LRP1B: variants seen among roughly 807,000 people sequenced by gnomAD.
The protein encoded by LRP1B is low-density lipoprotein receptor-related protein 1B.
A neutral mutation model predicts 556.6 loss-of-function variants in LRP1B; 217 were observed. That is an observed-to-expected ratio of 0.39 (90% CI 0.35 to 0.44). The LOEUF (loss-of-function observed/expected upper bound fraction) is 0.44. Ranked by LOEUF, LRP1B falls within the 20% of genes least tolerant of loss-of-function variation. The pLI, the probability that LRP1B is intolerant of heterozygous loss-of-function variation, is 1.00. For synonymous variants in LRP1B, 2,047 were observed against 1,865.8 expected (o/e 1.10, Z -2.50); for missense variants, 5,053 against 5,620.8 (o/e 0.90, Z 3.23).
At chr2:140,297,102 A>G (rs1029549427) in intron 84 of LRP1B, among the ~76,000 whole-genome samples, 2 of 152,112 alleles carry the variant, frequency 1.3e-5, no homozygotes, top group African/African-American at 4.8e-5. Context: ...CTTGAGATGG[A>G]GAGCATAGGA....
chr2:140,588,313 G>A (rs535572972), intron 43 of LRP1B, among the ~76,000 whole-genome samples: 2 of 152,200 alleles, frequency 1.3e-5, no homozygotes, highest in East Asian at 3.9e-4. Flanking sequence ...AAACATAAAG[G>A]GATGTAAAGT....
chr2:141,809,895 CT>C (rs1696281793), intron 2 of LRP1B, among the ~76,000 whole-genome samples: 1 of 151,424 alleles, frequency 6.6e-6, no homozygotes, highest in South Asian at 2.1e-4. Context: ...GGTCTTTTCC[CT>C]TTTAGCGCTA....
intron 1 of LRP1B, among the ~76,000 whole-genome samples, chr2:141,941,931 TA>T (rs1406834783): frequency 1.3e-5 from 2 of 152,336 alleles, no homozygotes; most frequent in African/African-American, 4.8e-5. Flanking sequence ...GCTTAATCAA[TA>T]AATGTAAATA....
chr2:141,596,290 A>G (rs1487843798), intron 2 of LRP1B, among the ~76,000 whole-genome samples: 2 of 152,052 alleles, frequency 1.3e-5, no homozygotes, highest in African/African-American at 4.8e-5. Flanking sequence ...CTCAACATCT[A>G]AAATTGAGTT....
At chr2:141,555,910 A>G (rs571213480) in intron 2 of LRP1B, among the ~76,000 whole-genome samples, 1 of 151,950 alleles carries the variant, frequency 6.6e-6, no homozygotes, top group Admixed American at 6.6e-5. Flanking sequence ...TAAGTAAGCC[A>G]GTTTTAAATC....
chr2:141,514,130 C>T (rs1011942132), intron 2 of LRP1B, among the ~76,000 whole-genome samples: 1 of 152,120 alleles, frequency 6.6e-6, no homozygotes, highest in Non-Finnish European at 1.5e-5. Context: ...ATATAACCTA[C>T]TTGACTTGCT....
intron 20 of LRP1B, among the ~76,000 whole-genome samples, chr2:140,927,148 T>A (rs1359380030): frequency 6.6e-6 from 1 of 152,080 alleles, no homozygotes; most frequent in Admixed American, 6.6e-5. Context: ...CTACTAAATA[T>A]ACAAAAATTA....
intron 1 of LRP1B, among the ~76,000 whole-genome samples, chr2:141,876,003 G>C (rs1331351931): frequency 1.3e-5 from 2 of 151,930 alleles, no homozygotes; most frequent in African/African-American, 4.8e-5. Flanking sequence ...CAATAATACA[G>C]GAAGAAGTAT....
intron 66 of LRP1B, among the ~76,000 whole-genome samples, chr2:140,439,591 C>T (rs879026223): frequency 6.6e-6 from 1 of 152,010 alleles, no homozygotes; most frequent in Non-Finnish European, 1.5e-5. Flanking sequence ...TTTACAGATT[C>T]ATAAATTTAG....
intron 3 of LRP1B, among the ~76,000 whole-genome samples, chr2:141,264,438 T>C (rs1684811952): frequency 1.3e-5 from 2 of 152,078 alleles, no homozygotes; most frequent in Non-Finnish European, 2.9e-5. Flanking sequence ...TGGACTGAGT[T>C]GGCGGTATTT....
chr2:141,147,561 C>G (rs1236784513), intron 7 of LRP1B, among the ~76,000 whole-genome samples: 1 of 152,012 alleles, frequency 6.6e-6, no homozygotes, highest in Non-Finnish European at 1.5e-5. Flanking sequence ...GTCAGGCACT[C>G]CTGCTAATTT....
At chr2:141,521,780 C>A (rs987781075) in intron 2 of LRP1B, among the ~76,000 whole-genome samples, 2 of 151,676 alleles carry the variant, frequency 1.3e-5, no homozygotes, top group Non-Finnish European at 2.9e-5. Flanking sequence ...TTAATTTTAA[C>A]CTATGCTTTC....
At chr2:140,653,285 A>T (rs1684754160) in intron 41 of LRP1B, among the ~76,000 whole-genome samples, 1 of 152,120 alleles carries the variant, frequency 6.6e-6, no homozygotes, top group Non-Finnish European at 1.5e-5. Flanking sequence ...TTCAGGAATA[A>T]CAAGTAGCAA....
At position 140,820,942 on chromosome 2, in the gene LRP1B, G is replaced by T. The variant is rs74268808; in HGVS notation, c.5210-7136C>A. On this transcript the variant is annotated intron_variant, in intron 31 of 90. Transcript: ENST00000389484. ...AAAAAAAAAAAGTATTTTTTTTCAA[G>T]ATCCTGTAGCAATTTCAAAATATTA... 2.5e-3 allele frequency among the ~76,000 whole-genome samples: 361 copies of T among 147,124 alleles called. 5 individuals are homozygous for T. The East Asian group carries it at 0.067, about 27-fold the overall frequency.
rs35055775 is a variant in LRP1B at position 140,883,559 on chromosome 2, G to GAA, written c.4169+256_4169+257dup. On this transcript the variant is annotated intron_variant, in intron 25 of 90. Transcript: ENST00000389484. ...CAATAGGGCCTAATGCCCACATTTA[G>GAA]AAAAAAAAAAAAAGACATTTTGAGC... 3.8e-3 allele frequency among the ~76,000 whole-genome samples: 496 copies of GAA among 131,878 alleles called. 1 individual carries two copies. Among genetic ancestry groups the GAA allele is most frequent in the Middle Eastern group, 0.012 (3 of 246 alleles). 86.5% of individuals were successfully genotyped at this position (131,878 alleles called of 152,430 possible). A position where few individuals can be genotyped will look rare whatever the true frequency, so the allele number is the denominator to read the frequency against.
chr2:140,303,848 C>A (rs1268585329), intron 83 of LRP1B, among the ~76,000 whole-genome samples: 2 of 151,814 alleles, frequency 1.3e-5, no homozygotes, highest in Non-Finnish European at 2.9e-5. Context: ...TATGATGTTC[C>A]CCTTCCTGTG....
intron 14 of LRP1B, among the ~76,000 whole-genome samples, chr2:141,007,193 TATTATA>T (rs1404255283): frequency 6.6e-6 from 1 of 151,836 alleles, no homozygotes; most frequent in African/African-American, 2.4e-5. Flanking sequence ...CAGACTAGGT[TATTATA>T]CTGAGGCTCA....
intron 24 of LRP1B, among the ~76,000 whole-genome samples, chr2:140,884,670 A>T (rs2105188988): frequency 6.6e-6 from 1 of 152,222 alleles, no homozygotes; most frequent in East Asian, 1.9e-4. Context: ...CAATATTCTT[A>T]TTTATCCACT....
At chr2:140,874,747 G>A (rs531568871) in intron 25 of LRP1B, among the ~76,000 whole-genome samples, 24 of 152,002 alleles carry the variant, frequency 1.6e-4, no homozygotes, top group Admixed American at 1.4e-3. Context: ...GGCTGGGCGT[G>A]GTGGCTCATG....
Sources: gnomAD v4.1 joint callset for allele counts (sites outside exome capture counted in the v4.1 genomes callset) on GRCh38, gnomAD v4.1.1 for gene constraint, MANE v1.5 for transcripts, NCBI Gene and HGNC (gene_info 2026-07-23, HGNC 2026-07-21) for gene names.